The following FRMD3 variants were observed in gnomAD, a reference collection of about 807,000 sequenced individuals.
FRMD3 encodes the protein FERM domain-containing protein 3.
A neutral mutation model predicts 70.2 loss-of-function variants in FRMD3; 33 were observed. The ratio of observed to expected loss-of-function variants is 0.47; its 90% CI spans 0.36 to 0.63. The LOEUF (loss-of-function observed/expected upper bound fraction) is 0.63, where lower values mean the gene tolerates loss of function less well. Ranked by LOEUF, FRMD3 falls within the 20% of genes least tolerant of loss-of-function variation. The pLI, the probability that FRMD3 is intolerant of heterozygous loss-of-function variation, is 0.00. For synonymous variants in FRMD3, 279 were observed against 255.9 expected (o/e 1.09, Z -0.86); for missense variants, 632 against 711.4 (o/e 0.89, Z 1.27).
At chr9:83,336,245 G>A (rs938228870) in intron 5 of FRMD3, among the ~76,000 whole-genome samples, 3 of 152,014 alleles carry the variant, frequency 2.0e-5, no homozygotes, top group Admixed American at 6.6e-5. Context: ...TGTAAAGCTC[G>A]GTTTAGCCAT....
At chr9:83,514,977 C>A (rs538940505) in intron 1 of FRMD3, among the ~76,000 whole-genome samples, 10 of 152,096 alleles carry the variant, frequency 6.6e-5, no homozygotes, top group Non-Finnish European at 1.2e-4. Flanking sequence ...AAAGCAAAGA[C>A]CAAAGGTAGA....
At chr9:83,530,148 G>A (rs1272574366) in intron 1 of FRMD3, among the ~76,000 whole-genome samples, 1 of 152,158 alleles carries the variant, frequency 6.6e-6, no homozygotes. Context: ...ATACACCCAA[G>A]AGAAATGAAA....
At chr9:83,466,843 G>A (rs1437807503) in intron 1 of FRMD3, among the ~76,000 whole-genome samples, 2 of 152,102 alleles carry the variant, frequency 1.3e-5, no homozygotes, top group Non-Finnish European at 2.9e-5. Flanking sequence ...CCAGTTGCTC[G>A]GTAAGTAAGG....
intron 4 of FRMD3, among the ~76,000 whole-genome samples, chr9:83,348,711 C>G (rs1824044006): frequency 6.6e-6 from 1 of 152,118 alleles, no homozygotes; most frequent in Admixed American, 6.6e-5. Flanking sequence ...ATCTATTACC[C>G]TCATTTCCAC....
chr9:83,361,727 G>C (rs532472020), intron 3 of FRMD3, among the ~76,000 whole-genome samples: 1 of 152,250 alleles, frequency 6.6e-6, no homozygotes, highest in African/African-American at 2.4e-5. Context: ...AGGTTAGGGT[G>C]GTCCCTAAAT....
chr9:83,261,349 C>T (rs1392086162), intron 13 of FRMD3, among the ~76,000 whole-genome samples: 7 of 152,186 alleles, frequency 4.6e-5, no homozygotes, highest in Non-Finnish European at 1.0e-4. Context: ...GGTTATGCCT[C>T]TACTTTTGCT....
chr9:83,416,770 T>TCTCTCTCTCTCTCTCTCTCTCTCTCTCC (rs1826463092), intron 1 of FRMD3, among the ~76,000 whole-genome samples: 1 of 124,686 alleles, frequency 8.0e-6, no homozygotes, highest in East Asian at 2.3e-4. Context: ...TCTCTCTCTC[T>TCTCTCTCTCTCTCTCTCTCTCTCTCTCC]CTCTCTCTCT....
At chr9:83,477,831 G>C (rs1464453739) in intron 1 of FRMD3, among the ~76,000 whole-genome samples, 2 of 152,044 alleles carry the variant, frequency 1.3e-5, no homozygotes, top group African/African-American at 4.8e-5. Context: ...TCCTCACTCA[G>C]CTTAGACATT....
chr9:83,580,404 G>A, the FRMD3 span, among the ~76,000 whole-genome samples: 1 of 152,178 alleles, frequency 6.6e-6, no homozygotes, highest in African/African-American at 2.4e-5. Context: ...GATAATGTAT[G>A]TCCAGACAAT....
In FRMD3 at chr9:83,517,671, T is replaced by C. The variant is rs554614613; in HGVS notation, c.147+20414A>G. 3.1e-4 allele frequency among the ~76,000 whole-genome samples: 47 copies of C among 152,262 alleles called. No homozygotes were observed. In the South Asian group the frequency reaches 9.5e-3, roughly 31 times the overall value. Reference sequence around the variant, plus strand: ...CCAGCATCACCCTTACATTAAAACCTGGCAGAGACACAACAAAGAAAATTT... The same window carrying C: ...CCAGCATCACCCTTACATTAAAACCCGGCAGAGACACAACAAAGAAAATTT... On this transcript the variant is annotated intron_variant, in intron 1 of 13. Transcript: ENST00000304195.
chr9:83,289,222 AAC>A (rs1240501526), intron 13 of FRMD3, among the ~76,000 whole-genome samples: 1 of 152,230 alleles, frequency 6.6e-6, no homozygotes, highest in African/African-American at 2.4e-5. Context: ...TCTCCTGAAA[AAC>A]ACAGACAAGC....
chr9:83,415,624 T>TTA, intron 1 of FRMD3, among the ~76,000 whole-genome samples: 1 of 149,452 alleles, frequency 6.7e-6, no homozygotes, highest in East Asian at 2.0e-4. Context: ...CTTTTTTTTT[T>TTA]TTTTTTTTTG....
At chr9:83,462,532 C>T (rs987220631) in intron 1 of FRMD3, among the ~76,000 whole-genome samples, 3 of 152,156 alleles carry the variant, frequency 2.0e-5, no homozygotes, top group African/African-American at 7.2e-5. Context: ...TACTATGGTG[C>T]CATCTCCTCC....
the FRMD3 span, among the ~76,000 whole-genome samples, chr9:83,572,928 A>G: frequency 5.9e-5 from 9 of 152,226 alleles, no homozygotes; most frequent in Non-Finnish European, 7.3e-5. Context: ...AATAATTGCA[A>G]TTTTAAAGGC....
chr9:83,439,173 A>G (rs1390291443), intron 1 of FRMD3, among the ~76,000 whole-genome samples: 2 of 152,190 alleles, frequency 1.3e-5, no homozygotes, highest in Non-Finnish European at 2.9e-5. Context: ...CTTGATGAAC[A>G]TGGTTAAATA....
At chr9:83,566,095 G>A in the FRMD3 span, among the ~76,000 whole-genome samples, 2 of 152,172 alleles carry the variant, frequency 1.3e-5, no homozygotes, top group African/African-American at 4.8e-5. Context: ...AGACATACCC[G>A]AGACTGAGAA....
chr9:83,247,427 A>ATTTT lies in FRMD3; in HGVS notation c.*490_*491insAAAA, dbSNP rs1832161943. On this transcript the variant is annotated 3_prime_UTR_variant, in exon 14 of 14. Transcript: ENST00000304195. ...AAATTTACCAAAATAGTTTGAACAC[A>ATTTT]TAAAAATATTTTTAAAAAAACAGAA... 1 of 975,470 alleles carries ATTTT rather than the reference A, an allele frequency of 1.0e-6. No homozygotes were observed. Among genetic ancestry groups the ATTTT allele is most frequent in the South Asian group, 4.8e-5 (1 of 21,010 alleles). The allele number at this position is 975,470 out of a possible 1,614,324, so 60.4% of individuals were successfully genotyped here.
intron 1 of FRMD3, among the ~76,000 whole-genome samples, chr9:83,531,070 C>A (rs1482405895): frequency 6.6e-6 from 1 of 152,194 alleles, no homozygotes; most frequent in African/African-American, 2.4e-5. Flanking sequence ...GAAGTGGCTT[C>A]TCTCTTCCTC....
Position 83,246,949 on chromosome 9 carries a change from C to T in FRMD3, c.*969G>A, listed in dbSNP as rs552423880. 1.3e-5 allele frequency: 13 copies of T among 985,436 alleles called. No individual in the cohort carries two copies. Among genetic ancestry groups the T allele is most frequent in the Non-Finnish European group, 1.6e-5 (13 of 829,936 alleles). The allele number at this position is 985,436 out of a possible 1,614,324, so 61.0% of individuals were successfully genotyped here. A position where few individuals can be genotyped will look rare whatever the true frequency, so the allele number is the denominator to read the frequency against. ...CTCATTTTTGCCACTTTCCATTTCT[C>T]CAGTTCCTATCTGCCTTCACTCTTG... On this transcript the variant is annotated 3_prime_UTR_variant, in exon 14 of 14. Coordinates refer to ENST00000304195, the MANE Select transcript of FRMD3 (RefSeq NM_174938.6).
Sources: gnomAD v4.1 joint callset for allele counts (sites outside exome capture counted in the v4.1 genomes callset) on GRCh38, gnomAD v4.1.1 for gene constraint, MANE v1.5 for transcripts, NCBI Gene and HGNC (gene_info 2026-07-23, HGNC 2026-07-21) for gene names.